The following TWIST2 variants were observed in gnomAD, a reference collection of about 807,000 sequenced individuals.
TWIST2 encodes twist family bHLH transcription factor 2.
Under a neutral mutation model 11.6 loss-of-function variants are expected in TWIST2, and 1 was observed. The ratio of observed to expected loss-of-function variants is 0.09; its 90% CI spans 0.03 to 0.41. The LOEUF is 0.41. Among genes scored for constraint, TWIST2 ranks in the 10% least tolerant of loss-of-function variants. TWIST2 has a pLI of 0.98. For missense variants in TWIST2, 168 were observed against 226.4 expected (o/e 0.74, Z 1.66); for synonymous variants, 87 against 96.6 (o/e 0.90, Z 0.58).
Position 238,866,652 on chromosome 2 carries a change from A to G in TWIST2, c.*35+17919A>G, listed in dbSNP as rs957834780. On this transcript the variant is annotated intron_variant, in intron 1 of 1. Coordinates refer to ENST00000612363, the MANE Select transcript of TWIST2 (RefSeq NM_001271893.4). This position sits in a 1 kb window ranked among gnomAD's most constrained non-coding sequence, Gnocchi z 4.9. ...AGCCTGGGTGACAGAGCGAGACTCC[A>G]CCATGGAAAAAAAAAAGAAAAGCAC... Among the ~76,000 whole-genome samples the G allele has an allele frequency of 2.0e-5, 3 of 151,866 alleles. No individual in the cohort carries two copies. The highest frequency in any genetic ancestry group is 6.5e-5 in the Admixed American group (1 of 15,274).
chr2:238,853,395 GA>G (rs1692274819), intron 1 of TWIST2, among the ~76,000 whole-genome samples: 3 of 150,750 alleles, frequency 2.0e-5, no homozygotes, highest in African/African-American at 7.3e-5. Flanking sequence ...GAGAGAGAGA[GA>G]GAGAGAGGGA....
At chr2:238,851,927 A>G (rs1692248753) in intron 1 of TWIST2, among the ~76,000 whole-genome samples, 1 of 147,270 alleles carries the variant, frequency 6.8e-6, no homozygotes, top group Non-Finnish European at 1.5e-5. Context: ...GCATCAGGGA[A>G]GTCTTGCTAC....
chr2:238,903,067 AG>A (rs1264727385), intron 1 of TWIST2, among the ~76,000 whole-genome samples: 1 of 56,936 alleles, frequency 1.8e-5, no homozygotes, highest in East Asian at 6.2e-4. Context: ...TGTGTGATGT[AG>A]TGTGTGTGAT....
rs1229428285 is a variant in TWIST2 at position 238,867,370 on chromosome 2, AACACAC to A, written c.*35+18674_*35+18679del. Among the ~76,000 whole-genome samples, 91 of 119,736 alleles carry A rather than the reference AACACAC, an allele frequency of 7.6e-4. No homozygotes were observed. The highest frequency in any genetic ancestry group is 8.2e-4 in the African/African-American group (25 of 30,422). 78.6% of individuals were successfully genotyped at this position (119,736 alleles called of 152,430 possible). A position where few individuals can be genotyped will look rare whatever the true frequency, so the allele number is the denominator to read the frequency against. The stretch of plus-strand genomic sequence containing the variant: ...CTGGGGAGTAAAATGTCCTGCCTTC[AACACAC>A]ACACACACACACACACACACACACA... On this transcript the variant is annotated intron_variant, in intron 1 of 1. Transcript: ENST00000612363. This position sits in a 1 kb window ranked among gnomAD's most constrained non-coding sequence, Gnocchi z 4.8.
chr2:238,905,906 T>TGC (rs1312572776), intron 1 of TWIST2, among the ~76,000 whole-genome samples: 111 of 40,876 alleles, frequency 2.7e-3, no homozygotes, highest in African/African-American at 0.012. Flanking sequence ...CGTGTGTGCG[T>TGC]GTGTGTGCGT....
At chr2:238,868,079 C>T (rs891666508) in intron 1 of TWIST2, among the ~76,000 whole-genome samples, 28 of 152,176 alleles carry the variant, frequency 1.8e-4, no homozygotes, top group African/African-American at 3.9e-4. Flanking sequence ...GCTGGCATTC[C>T]GGAATTACCT....
chr2:238,888,862 A>G (rs1245489320), intron 1 of TWIST2, among the ~76,000 whole-genome samples: 1 of 152,222 alleles, frequency 6.6e-6, no homozygotes, highest in Admixed American at 6.5e-5. Context: ...GAATATTTGG[A>G]AAAATACACA....
chr2:238,890,698 A>G (rs898872170), intron 1 of TWIST2, among the ~76,000 whole-genome samples: 4 of 152,212 alleles, frequency 2.6e-5, no homozygotes, highest in African/African-American at 9.6e-5. Flanking sequence ...GGAATGCCGA[A>G]TTTTTAAAAA....
chr2:238,852,610 A>G (rs1017120054), intron 1 of TWIST2, among the ~76,000 whole-genome samples: 2 of 151,826 alleles, frequency 1.3e-5, no homozygotes, highest in African/African-American at 4.8e-5. Context: ...GATATTCCAC[A>G]TGGTCACCTG....
At chr2:238,909,475 C>T (rs1693416080) in intron 1 of TWIST2, among the ~76,000 whole-genome samples, 1 of 152,170 alleles carries the variant, frequency 6.6e-6, no homozygotes, top group Admixed American at 6.5e-5. Context: ...CCTCTCTTGT[C>T]CCCAGGCAGC....
chr2:238,864,298 C>T lies in TWIST2; in HGVS notation c.*35+15565C>T, dbSNP rs879146797. Among the ~76,000 whole-genome samples, 1 of 152,162 alleles carries T rather than the reference C, an allele frequency of 6.6e-6. No individual in the cohort carries two copies. Among genetic ancestry groups the T allele is most frequent in the Non-Finnish European group, 1.5e-5 (1 of 68,042 alleles). On this transcript the variant is annotated intron_variant, in intron 1 of 1. Coordinates refer to ENST00000612363, the MANE Select transcript of TWIST2 (RefSeq NM_001271893.4). The surrounding 1 kb of genome is among the most constrained non-coding windows in gnomAD (Gnocchi z 4.7). ...GGCGATCGGGGCCTGATCCTCAGTTCGAAGACACAGATGCTCACTGCTGTA... is the reference window on the plus strand; with the variant it reads ...GGCGATCGGGGCCTGATCCTCAGTTTGAAGACACAGATGCTCACTGCTGTA...
intron 1 of TWIST2, among the ~76,000 whole-genome samples, chr2:238,856,945 G>T: frequency 6.6e-6 from 1 of 152,164 alleles, no homozygotes; most frequent in South Asian, 2.1e-4. Context: ...CATCAACACT[G>T]CCCAGCAAAG....
intron 1 of TWIST2, among the ~76,000 whole-genome samples, chr2:238,878,233 C>T (rs1333743407): frequency 1.3e-5 from 2 of 152,176 alleles, no homozygotes; most frequent in Admixed American, 6.5e-5. Flanking sequence ...CAATAGTTAA[C>T]CCCTGGATCC....
chr2:238,863,578 C>T lies in TWIST2; in HGVS notation c.*35+14845C>T, dbSNP rs1288240684. On this transcript the variant is annotated intron_variant, in intron 1 of 1. Transcript: ENST00000612363. This position sits in a 1 kb window ranked among gnomAD's most constrained non-coding sequence, Gnocchi z 4.7. ...ATCCTCACACTGTTAGTGTTAGCAT[C>T]CTCATTTCTTCTGCCTTTTTTTCAC... is the stretch of plus-strand genomic sequence containing the variant. Among the ~76,000 whole-genome samples, 3 of 152,240 alleles carry T rather than the reference C, an allele frequency of 2.0e-5. No homozygotes were observed. In the East Asian group the frequency reaches 5.8e-4, roughly 29 times the overall value.
rs1297791613 is a variant in TWIST2 at position 238,867,233 on chromosome 2, G to A, written c.*35+18500G>A. Among the ~76,000 whole-genome samples, 1 of 152,112 alleles carries A rather than the reference G, an allele frequency of 6.6e-6. No individual in the cohort carries two copies. Among genetic ancestry groups the A allele is most frequent in the East Asian group, 1.9e-4 (1 of 5,178 alleles). On this transcript the variant is annotated intron_variant, in intron 1 of 1. Coordinates refer to ENST00000612363, the MANE Select transcript of TWIST2 (RefSeq NM_001271893.4). The surrounding 1 kb of genome is among the most constrained non-coding windows in gnomAD (Gnocchi z 4.8). ...TCTTCTGCAGAAGAGAAGGGGTAGA[G>A]GTGGAGAAAGAGGGAGAGGGAGGCA...
intron 1 of TWIST2, among the ~76,000 whole-genome samples, chr2:238,905,854 T>TGC (rs1355081180): frequency 8.2e-4 from 36 of 43,972 alleles, no homozygotes; most frequent in Non-Finnish European, 9.2e-4. Flanking sequence ...TGTGTGTGTG[T>TGC]GCGTGTGTGT....
chr2:238,868,203 C>T (rs1559272312), intron 1 of TWIST2, among the ~76,000 whole-genome samples: 1 of 152,174 alleles, frequency 6.6e-6, no homozygotes, highest in African/African-American at 2.4e-5. Context: ...ACGTGGCTCC[C>T]AGGGGCTCTG....
chr2:238,852,787 C>A (rs1205737297), intron 1 of TWIST2, among the ~76,000 whole-genome samples: 1 of 152,140 alleles, frequency 6.6e-6, no homozygotes, highest in Non-Finnish European at 1.5e-5. Flanking sequence ...AAGATGTCAT[C>A]ACTGGGAGAA....
chr2:238,881,047 T>A (rs554215560), intron 1 of TWIST2, among the ~76,000 whole-genome samples: 2 of 92,582 alleles, frequency 2.2e-5, no homozygotes, highest in South Asian at 8.5e-4. Context: ...AGTTACTATT[T>A]ATTAGTGTCA....
Sources: gnomAD v4.1 joint callset for allele counts (sites outside exome capture counted in the v4.1 genomes callset) on GRCh38, gnomAD v4.1.1 for gene constraint, Gnocchi (gnomAD v3.1) non-coding constraint, MANE v1.5 for transcripts, NCBI Gene and HGNC (gene_info 2026-07-23, HGNC 2026-07-21) for gene names.